Variants in ANK2 observed in about 807,000 individuals in gnomAD.
The protein encoded by ANK2 is ankyrin-2.
Under a neutral mutation model 360.5 loss-of-function variants are expected in ANK2, and 83 were observed. The observed-to-expected ratio is 0.23, with a 90% CI of 0.19 to 0.28. The LOEUF (loss-of-function observed/expected upper bound fraction) is 0.28, where lower values mean the gene tolerates loss of function less well. ANK2 is among the 10% of genes least tolerant of loss of function. The pLI, the probability that ANK2 is intolerant of heterozygous loss-of-function variation, is 1.00. For synonymous variants in ANK2, 1,740 were observed against 1,759.5 expected, an observed-to-expected ratio of 0.99 and a Z score of 0.28; for missense variants, 4,201 against 4,795.7, an observed-to-expected ratio of 0.88 and a Z score of 3.66.
intron 1 of ANK2, among the ~76,000 whole-genome samples, chr4:112,886,858 A>C (rs962003068): frequency 6.6e-6 from 1 of 152,216 alleles, no homozygotes; most frequent in South Asian, 2.1e-4. Flanking sequence ...ATTACTAATC[A>C]TGTGAAGAAG....
intron 2 of ANK2, among the ~76,000 whole-genome samples, chr4:112,978,594 C>G (rs1222660980): frequency 6.6e-6 from 1 of 152,170 alleles, no homozygotes. Context: ...TTTGTGCCTG[C>G]CTTATTTCAC....
intron 1 of ANK2, among the ~76,000 whole-genome samples, chr4:113,062,728 C>T (rs1026513426): frequency 6.6e-6 from 1 of 152,058 alleles, no homozygotes; most frequent in Non-Finnish European, 1.5e-5. Flanking sequence ...ATATGGCTGG[C>T]TAGGTCTTTC....
At chr4:112,735,480 AT>A in the ANK2 span, among the ~76,000 whole-genome samples, 2 of 151,956 alleles carry the variant, frequency 1.3e-5, no homozygotes, top group Non-Finnish European at 2.9e-5. Flanking sequence ...CACCTCCCCA[AT>A]TTTGCTTATC....
chr4:113,123,167 A>G (rs2095470815), intron 1 of ANK2, among the ~76,000 whole-genome samples: 1 of 151,948 alleles, frequency 6.6e-6, no homozygotes, highest in South Asian at 2.1e-4. Flanking sequence ...TTCCTATTTT[A>G]TTACATTAAT....
intron 29 of ANK2, among the ~76,000 whole-genome samples, chr4:113,334,194 T>C (rs1302253113): frequency 1.3e-5 from 2 of 152,180 alleles, no homozygotes; most frequent in South Asian, 2.1e-4. Flanking sequence ...CCTACCACGG[T>C]TTGAATAAGA....
chr4:113,245,133 G>T (rs1023540610), intron 9 of ANK2, among the ~76,000 whole-genome samples: 1 of 152,022 alleles, frequency 6.6e-6, no homozygotes, highest in Non-Finnish European at 1.5e-5. Flanking sequence ...TAAGTAGAAG[G>T]ATTTTAAAAG....
At chr4:112,885,381 C>T (rs1372857562) in intron 1 of ANK2, among the ~76,000 whole-genome samples, 1 of 151,848 alleles carries the variant, frequency 6.6e-6, no homozygotes, top group Non-Finnish European at 1.5e-5. Flanking sequence ...CGCCTGTAAT[C>T]CCAGTTACTC....
intron 1 of ANK2, among the ~76,000 whole-genome samples, chr4:113,133,391 T>C (rs1284066823): frequency 6.6e-6 from 1 of 152,136 alleles, no homozygotes; most frequent in East Asian, 1.9e-4. Flanking sequence ...CACAATGGGG[T>C]AGATATTCTA....
At chr4:112,706,506 C>T in the ANK2 span, among the ~76,000 whole-genome samples, 1 of 152,086 alleles carries the variant, frequency 6.6e-6, no homozygotes, top group Non-Finnish European at 1.5e-5. Context: ...ACGCACCCCG[C>T]AAACTCATCC....
intron 13 of ANK2, among the ~76,000 whole-genome samples, chr4:113,261,744 A>G (rs1477407427): frequency 6.6e-6 from 1 of 152,220 alleles, no homozygotes; most frequent in African/African-American, 2.4e-5. Flanking sequence ...TTAGTGCTTT[A>G]AATTAGATTC....
chr4:112,784,666 C>G, the ANK2 span, among the ~76,000 whole-genome samples: 1 of 152,066 alleles, frequency 6.6e-6, no homozygotes, highest in Admixed American at 6.6e-5. Context: ...AACTCTTGGG[C>G]ACAAGCAATC....
At chr4:113,018,165 G>C (rs1330931999) in intron 2 of ANK2, among the ~76,000 whole-genome samples, 2 of 152,214 alleles carry the variant, frequency 1.3e-5, no homozygotes, top group Non-Finnish European at 2.9e-5. Context: ...ACAAACCACT[G>C]TTCTGTAGCC....
chr4:113,257,191 A>G (rs1451657444), intron 11 of ANK2, among the ~76,000 whole-genome samples: 1 of 152,242 alleles, frequency 6.6e-6, no homozygotes, highest in African/African-American at 2.4e-5. Flanking sequence ...TAGCTGGCAG[A>G]ATAGACATAA....
At chr4:113,260,031 T>C (rs2051873724) in intron 13 of ANK2, among the ~76,000 whole-genome samples, 1 of 152,180 alleles carries the variant, frequency 6.6e-6, no homozygotes, top group African/African-American at 2.4e-5. Flanking sequence ...ACTGTTACAA[T>C]ATGTTATCAC....
chr4:113,293,126 A>T, intron 21 of ANK2: 4 of 438,718 alleles, frequency 9.1e-6, no homozygotes, highest in Non-Finnish European at 1.7e-5. Context: ...TGGAGACGTC[A>T]TGAGGCACTT....
the ANK2 span, among the ~76,000 whole-genome samples, chr4:112,729,889 T>A: frequency 1.3e-5 from 2 of 151,910 alleles, no homozygotes; most frequent in African/African-American, 4.8e-5. Context: ...TTAAATGAAA[T>A]AAGCCAGGCA....
chr4:112,984,963 A>T (rs1164232463), intron 2 of ANK2, among the ~76,000 whole-genome samples: 1 of 152,188 alleles, frequency 6.6e-6, no homozygotes, highest in African/African-American at 2.4e-5. Context: ...ATTTTGTTAT[A>T]AAAAAGTTAC....
chr4:112,884,973 A>T (rs1365608750), intron 1 of ANK2, among the ~76,000 whole-genome samples: 1 of 152,204 alleles, frequency 6.6e-6, no homozygotes, highest in African/African-American at 2.4e-5. Flanking sequence ...GAAGCCATGT[A>T]TTATACTTCC....
chr4:113,091,568 T>C (rs1239529595), intron 1 of ANK2, among the ~76,000 whole-genome samples: 1 of 152,184 alleles, frequency 6.6e-6, no homozygotes, highest in Non-Finnish European at 1.5e-5. Context: ...AACAGAGAAA[T>C]GAAATGGATC....
Sources: gnomAD v4.1 joint callset for allele counts (sites outside exome capture counted in the v4.1 genomes callset) on GRCh38, gnomAD v4.1.1 for gene constraint, MANE v1.5 for transcripts, NCBI Gene and HGNC (gene_info 2026-07-23, HGNC 2026-07-21) for gene names.